ELAVL4: variants seen among roughly 807,000 people sequenced by gnomAD.
ELAVL4 encodes the protein ELAV like RNA binding protein 4, also known as ELAV-like protein 4.
A neutral mutation model predicts 35.6 loss-of-function variants in ELAVL4; 1 was observed. The observed-to-expected ratio is 0.03, with a 90% CI of 0.01 to 0.13. The LOEUF (loss-of-function observed/expected upper bound fraction) is 0.13, where lower values mean the gene tolerates loss of function less well. Among genes scored for constraint, ELAVL4 ranks in the 10% least tolerant of loss-of-function variants. ELAVL4 has a pLI of 1.00. For synonymous variants in ELAVL4, 156 were observed against 171.0 expected, an observed-to-expected ratio of 0.91 and a Z score of 0.69; for missense variants, 267 against 464.9, an observed-to-expected ratio of 0.57 and a Z score of 3.91.
At chr1:50,124,645 T>A (rs946287511) in intron 1 of ELAVL4, among the ~76,000 whole-genome samples, 1 of 152,070 alleles carries the variant, frequency 6.6e-6, no homozygotes, top group Non-Finnish European at 1.5e-5. Flanking sequence ...ATTTTTGAGA[T>A]AGGGTCTCAC....
At chr1:50,123,839 G>A (rs1415675205) in intron 1 of ELAVL4, among the ~76,000 whole-genome samples, 1 of 152,090 alleles carries the variant, frequency 6.6e-6, no homozygotes. Flanking sequence ...GTGTCACCCA[G>A]AAAGGCTTGC....
At chr1:50,184,408 A>AAG (rs920619797) in intron 3 of ELAVL4, among the ~76,000 whole-genome samples, 2 of 151,574 alleles carry the variant, frequency 1.3e-5, no homozygotes, top group Non-Finnish European at 2.9e-5. Context: ...CAAAAAAAAA[A>AAG]AAAAAATCAG....
At chr1:50,147,012 C>T (rs1440226646) in intron 2 of ELAVL4, among the ~76,000 whole-genome samples, 2 of 151,912 alleles carry the variant, frequency 1.3e-5, no homozygotes, top group African/African-American at 4.8e-5. Context: ...GTGACAGCTT[C>T]GAAGACAGCC....
chr1:50,100,249 G>A (rs762250909), upstream of ELAVL4, among the ~76,000 whole-genome samples: 6 of 152,110 alleles, frequency 3.9e-5, no homozygotes, highest in African/African-American at 1.4e-4. Context: ...TGAATGTTCC[G>A]TCAATATTAA....
At chr1:50,071,958 A>G (rs914425143) in intron 1 of ELAVL4, among the ~76,000 whole-genome samples, 4 of 152,210 alleles carry the variant, frequency 2.6e-5, no homozygotes, top group Non-Finnish European at 5.9e-5. Context: ...TCCAGTAAGT[A>G]GTCAACAAAT....
rs367967801 is a variant in ELAVL4 at position 50,173,099 on chromosome 1, A to G, written c.251-3990A>G. ...ATGGAGGACTGGTACAAATGCATAC[A>G]TCCATTCTTTCATTTATCAAGCATT... On this transcript the variant is annotated intron_variant, in intron 2 of 6. Transcript: ENST00000371824. Among the ~76,000 whole-genome samples the G allele has an allele frequency of 3.9e-5, 6 of 152,310 alleles. 1 individual carries two copies. Among genetic ancestry groups the G allele is most frequent in the African/African-American group, 1.4e-4 (6 of 41,564 alleles).
chr1:50,068,813 A>G (rs897569190), intron 1 of ELAVL4, among the ~76,000 whole-genome samples: 3 of 152,210 alleles, frequency 2.0e-5, no homozygotes, highest in Non-Finnish European at 4.4e-5. Context: ...AGAATGATCT[A>G]TTCTGGTTTC....
intron 1 of ELAVL4, among the ~76,000 whole-genome samples, chr1:50,133,878 T>C (rs1671452637): frequency 6.6e-6 from 1 of 152,132 alleles, no homozygotes; most frequent in Non-Finnish European, 1.5e-5. Flanking sequence ...TTATTTCACT[T>C]ATTATCTTCA....
rs550485341 is a variant in ELAVL4, at chr1:50,137,010, T to C, written c.10-7947T>C. Among the ~76,000 whole-genome samples the C allele has an allele frequency of 1.1e-4, 17 of 152,234 alleles. 1 individual carries two copies. In the South Asian group the frequency reaches 3.5e-3, roughly 32 times the overall value. ...TGAAAGTAGGTGTAGGTTAACTAGATTAAAATATCTAAATGCAAAACAATA... is the reference window on the plus strand; with the variant it reads ...TGAAAGTAGGTGTAGGTTAACTAGACTAAAATATCTAAATGCAAAACAATA... On this transcript the variant is annotated intron_variant, in intron 1 of 6. Coordinates refer to ENST00000371824, the MANE Select transcript of ELAVL4 (RefSeq NM_001144774.3).
intron 2 of ELAVL4, among the ~76,000 whole-genome samples, chr1:50,149,701 G>A (rs917266774): frequency 5.9e-5 from 9 of 151,696 alleles, no homozygotes; most frequent in Non-Finnish European, 1.0e-4. Context: ...CCGCCACCAC[G>A]CCTGGCTAAT....
upstream of ELAVL4, chr1:50,104,150 G>A: frequency 1.2e-6 from 1 of 817,938 alleles, no homozygotes; most frequent in Admixed American, 2.1e-5. Context: ...TCATACAGTA[G>A]TGGTTTTCTC....
At chr1:50,173,323 T>C (rs755068658) in intron 2 of ELAVL4, among the ~76,000 whole-genome samples, 6 of 152,196 alleles carry the variant, frequency 3.9e-5, no homozygotes, top group Non-Finnish European at 8.8e-5. Context: ...AACAGAAATA[T>C]TGAAGTTCAG....
intron 6 of ELAVL4, among the ~76,000 whole-genome samples, chr1:50,199,475 G>A (rs967784688): frequency 1.3e-5 from 2 of 152,186 alleles, no homozygotes; most frequent in Non-Finnish European, 1.5e-5. Flanking sequence ...GGAGGCCAAG[G>A]TGGGTGGATC....
At chr1:50,167,485 A>G (rs1048785679) in intron 2 of ELAVL4, among the ~76,000 whole-genome samples, 1 of 152,140 alleles carries the variant, frequency 6.6e-6, no homozygotes, top group Admixed American at 6.5e-5. Flanking sequence ...CCTTTCCGTG[A>G]TGGAAGAGGT....
At chr1:50,078,833 A>G (rs1289110026) in intron 1 of ELAVL4, among the ~76,000 whole-genome samples, 2 of 152,096 alleles carry the variant, frequency 1.3e-5, no homozygotes, top group Non-Finnish European at 2.9e-5. Context: ...TCCCGTGCCT[A>G]TCACATGTGC....
intron 1 of ELAVL4, among the ~76,000 whole-genome samples, chr1:50,130,887 A>G (rs895357142): frequency 3.3e-4 from 50 of 152,304 alleles, no homozygotes; most frequent in South Asian, 4.1e-4. Flanking sequence ...ATTGTGTCTC[A>G]TAACTTGCCC....
chr1:50,060,942 G>T (rs1353163546), intron 1 of ELAVL4, among the ~76,000 whole-genome samples: 3 of 152,162 alleles, frequency 2.0e-5, no homozygotes, highest in African/African-American at 4.8e-5. Flanking sequence ...AGAGGAAAAA[G>T]AAATAGACAT....
At chr1:50,127,768 G>A (rs921934601) in intron 1 of ELAVL4, among the ~76,000 whole-genome samples, 18 of 152,052 alleles carry the variant, frequency 1.2e-4, no homozygotes, top group African/African-American at 4.1e-4. Flanking sequence ...CTTGTCCAAG[G>A]TCACACAGCT....
At chr1:50,188,515 T>C (rs768424705) in intron 3 of ELAVL4, among the ~76,000 whole-genome samples, 8 of 152,168 alleles carry the variant, frequency 5.3e-5, no homozygotes, top group Non-Finnish European at 1.0e-4. Context: ...GAGAAAAGTG[T>C]ATGGAATCCT....
Sources: gnomAD v4.1 joint callset for allele counts (sites outside exome capture counted in the v4.1 genomes callset) on GRCh38, gnomAD v4.1.1 for gene constraint, MANE v1.5 for transcripts, NCBI Gene and HGNC (gene_info 2026-07-23, HGNC 2026-07-21) for gene names.